The following VPS13B variants were observed in gnomAD, a reference collection of about 807,000 sequenced individuals.
VPS13B encodes intermembrane lipid transfer protein VPS13B.
In VPS13B, 285 loss-of-function variants were observed where a neutral mutation model predicts 426.4. That is an observed-to-expected ratio of 0.67 (90% CI 0.61 to 0.74). The LOEUF (loss-of-function observed/expected upper bound fraction) is 0.74. VPS13B is among the 30% of genes least tolerant of loss of function. The probability of loss-of-function intolerance (pLI) is 0.00; values close to 1 mark genes in which losing one functional copy is unlikely to be tolerated. For synonymous variants in VPS13B, 1,676 were observed against 1,676.4 expected, an observed-to-expected ratio of 1.00 and a Z score of 0.01; for missense variants, 4,537 against 4,782.6, an observed-to-expected ratio of 0.95 and a Z score of 1.51.
intron 16 of VPS13B, 62 bp downstream of exon 16, chr8:99,170,225 C>T: frequency 6.4e-7 from 1 of 1,574,544 alleles, no homozygotes. Flanking sequence ...GGGAAAAAAC[C>T]CCCAAATGTA....
At chr8:99,401,134 T>C (rs1448197926) in intron 21 of VPS13B, among the ~76,000 whole-genome samples, 1 of 152,248 alleles carries the variant, frequency 6.6e-6, no homozygotes. Flanking sequence ...AAGGGCATCA[T>C]TGACTGTACT....
intron 33 of VPS13B, among the ~76,000 whole-genome samples, chr8:99,632,130 T>A (rs1828872607): frequency 6.6e-6 from 1 of 151,952 alleles, no homozygotes; most frequent in Non-Finnish European, 1.5e-5. Context: ...GTAATAGTGT[T>A]GTGAATGTGA....
chr8:99,562,710 T>C (rs980266328), intron 31 of VPS13B, among the ~76,000 whole-genome samples: 2 of 152,152 alleles, frequency 1.3e-5, no homozygotes, highest in Non-Finnish European at 1.5e-5. Flanking sequence ...AATTTTTTTG[T>C]TTATGGTATG....
intron 21 of VPS13B, among the ~76,000 whole-genome samples, chr8:99,425,143 T>G (rs1047505475): frequency 8.5e-5 from 13 of 152,224 alleles, no homozygotes; most frequent in East Asian, 7.7e-4. Context: ...GGTACAAGGA[T>G]GAGCTGGTAC....
At chr8:99,299,054 T>TTC (rs1491022189) in intron 19 of VPS13B, among the ~76,000 whole-genome samples, 2 of 11,132 alleles carry the variant, frequency 1.8e-4, no homozygotes, top group African/African-American at 1.2e-3. Context: ...TTCCACCACT[T>TTC]TTTTTTTTTT....
At chr8:99,739,028 C>T (rs536789660) in intron 39 of VPS13B, among the ~76,000 whole-genome samples, 5 of 152,292 alleles carry the variant, frequency 3.3e-5, no homozygotes, top group Middle Eastern at 3.4e-3. Flanking sequence ...GGCGAGGCAT[C>T]GCCTCACCCA....
At chr8:99,439,233 A>G (rs1425005896) in intron 22 of VPS13B, among the ~76,000 whole-genome samples, 1 of 152,162 alleles carries the variant, frequency 6.6e-6, no homozygotes, top group Non-Finnish European at 1.5e-5. Context: ...CTACTTGTTG[A>G]ACAATTATTT....
At chr8:99,476,980 C>G (rs1819727950) in intron 24 of VPS13B, among the ~76,000 whole-genome samples, 1 of 151,988 alleles carries the variant, frequency 6.6e-6, no homozygotes, top group Admixed American at 6.6e-5. Flanking sequence ...GTTTATTTTC[C>G]AGTGAATTTG....
intron 50 of VPS13B, among the ~76,000 whole-genome samples, chr8:99,822,015 A>C (rs1459191249): frequency 6.6e-6 from 1 of 152,234 alleles, no homozygotes; most frequent in Non-Finnish European, 1.5e-5. Flanking sequence ...TACAAAAAAC[A>C]TAAGTCATTT....
intron 56 of VPS13B, among the ~76,000 whole-genome samples, chr8:99,858,030 T>A (rs1186144367): frequency 2.0e-5 from 3 of 152,208 alleles, no homozygotes; most frequent in Non-Finnish European, 2.9e-5. Flanking sequence ...TACCCTCACC[T>A]TCCTGATCCC....
intron 33 of VPS13B, among the ~76,000 whole-genome samples, chr8:99,592,677 C>A (rs899829745): frequency 6.6e-6 from 1 of 152,078 alleles, no homozygotes; most frequent in African/African-American, 2.4e-5. Flanking sequence ...TATAAGGCTA[C>A]AGTAACCAAA....
At chr8:99,521,068 A>G (rs1004738313) in intron 30 of VPS13B, 58 bp downstream of exon 30, 1 of 1,346,558 alleles carries the variant, frequency 7.4e-7, no homozygotes, top group Non-Finnish European at 1.1e-6. Context: ...AAACACATAT[A>G]GTGGTCAATA....
At chr8:99,713,458 C>A (rs1185381495) in intron 36 of VPS13B, among the ~76,000 whole-genome samples, 2 of 152,148 alleles carry the variant, frequency 1.3e-5, no homozygotes, top group Non-Finnish European at 2.9e-5. Context: ...TAGCAAGTTT[C>A]TGATGGTCAT....
Position 99,507,204 on chromosome 8 carries a change from G to T in VPS13B, c.4224+1G>T, listed in dbSNP as rs376982982. 1.9e-6 allele frequency: 3 copies of T among 1,613,830 alleles called. No individual in the cohort carries two copies. The highest frequency in any genetic ancestry group is 2.5e-6 in the Non-Finnish European group (3 of 1,179,830). ...TCTACAATGCAAAGAAAAATCTGTG[G>T]TGAGACCCATTTAGTTACTATGATT... On this transcript the variant is annotated splice_donor_variant, in intron 28 of 61. Coordinates refer to ENST00000357162, the MANE Select transcript of VPS13B (RefSeq NM_152564.5). LOFTEE classifies it high-confidence loss of function.
intron 3 of VPS13B, among the ~76,000 whole-genome samples, chr8:99,040,079 C>G (rs967794366): frequency 6.6e-6 from 1 of 150,674 alleles, no homozygotes; most frequent in Non-Finnish European, 1.5e-5. Flanking sequence ...ATGCAGTGTT[C>G]CATATTAAAA....
intron 31 of VPS13B, among the ~76,000 whole-genome samples, chr8:99,565,866 C>T (rs1292601552): frequency 6.6e-6 from 1 of 152,172 alleles, no homozygotes; most frequent in Non-Finnish European, 1.5e-5. Context: ...ACAGTGGTCT[C>T]TCACTACTTT....
intron 23 of VPS13B, among the ~76,000 whole-genome samples, chr8:99,454,834 A>G (rs1458550425): frequency 2.6e-5 from 4 of 152,192 alleles, no homozygotes; most frequent in African/African-American, 9.7e-5. Context: ...ATAGGTATGT[A>G]GTGGTATCTA....
Position 99,013,949 on chromosome 8 carries a change from C to A in VPS13B, c.147+14C>A, listed in dbSNP as rs866007151. 5 of 1,614,054 alleles carry A rather than the reference C, an allele frequency of 3.1e-6. 1 individual carries two copies. In the Middle Eastern group the frequency reaches 8.3e-4, roughly 266 times the overall value. On this transcript the variant is annotated intron_variant, in intron 2 of 61. Transcript: ENST00000357162. ...GTGCTGGAACAGGTAAGCTATTTAG[C>A]TGTCATTAACTGGAAACAGTTTTCA...
intron 35 of VPS13B, among the ~76,000 whole-genome samples, chr8:99,662,093 A>C (rs1367907267): frequency 3.3e-5 from 5 of 152,206 alleles, no homozygotes; most frequent in African/African-American, 1.2e-4. Flanking sequence ...GGAAGCTAAG[A>C]CTTAGAAAAG....
Sources: gnomAD v4.1 joint callset for allele counts (sites outside exome capture counted in the v4.1 genomes callset) on GRCh38, gnomAD v4.1.1 for gene constraint, MANE v1.5 for transcripts, NCBI Gene and HGNC (gene_info 2026-07-23, HGNC 2026-07-21) for gene names.